PRKCH: variants seen among roughly 807,000 people sequenced by gnomAD.
The protein encoded by PRKCH is protein kinase C eta, also known as protein kinase C eta type.
PRKCH carries 28 observed loss-of-function variants against 82.5 expected under a neutral mutation model. The observed-to-expected ratio is 0.34, with a 90% confidence interval of 0.25 to 0.47. PRKCH has a LOEUF of 0.47. PRKCH is among the 20% of genes least tolerant of loss of function. The probability of loss-of-function intolerance (pLI) is 1.00; values close to 1 mark genes in which losing one functional copy is unlikely to be tolerated. For missense variants in PRKCH, 705 were observed against 881.8 expected, an observed-to-expected ratio of 0.80 and a Z score of 2.54; for synonymous variants, 322 against 327.4, an observed-to-expected ratio of 0.98 and a Z score of 0.18.
At chr14:61,314,682 G>A (rs575136610) in intron 1 of PRKCH, among the ~76,000 whole-genome samples, 1 of 152,330 alleles carries the variant, frequency 6.6e-6, no homozygotes, top group South Asian at 2.1e-4. Flanking sequence ...TTCTTTTGGG[G>A]AAACCTGAGG....
chr14:61,501,820 T>A (rs769637294), intron 10 of PRKCH, among the ~76,000 whole-genome samples: 32 of 152,152 alleles, frequency 2.1e-4, no homozygotes, highest in Non-Finnish European at 2.9e-5. Flanking sequence ...TGCTAAATCC[T>A]CTTCATACCC....
intron 1 of PRKCH, among the ~76,000 whole-genome samples, chr14:61,285,812 A>T (rs1334375810): frequency 6.6e-6 from 1 of 152,140 alleles, no homozygotes; most frequent in Admixed American, 6.5e-5. Context: ...TTCTTCAACC[A>T]TGCTACACTG....
chr14:61,484,764 CTTTTTT>C (rs375542490), intron 9 of PRKCH, among the ~76,000 whole-genome samples: 2 of 121,204 alleles, frequency 1.7e-5, no homozygotes, highest in South Asian at 2.6e-4. Flanking sequence ...ATTTGGCTTC[CTTTTTT>C]TTTTTTTTTT....
At chr14:61,287,204 T>TAAAAAAAAAAA (rs35045657) in intron 1 of PRKCH, among the ~76,000 whole-genome samples, 2 of 57,930 alleles carry the variant, frequency 3.5e-5, no homozygotes, top group African/African-American at 6.1e-5. Flanking sequence ...GACTCCGTCT[T>TAAAAAAAAAAA]AAAAAAAAAA....
At chr14:61,391,389 G>C (rs78502246) in intron 2 of PRKCH, 101 bp downstream of exon 2, 13,081 of 1,038,016 alleles carry the variant, frequency 0.013, 118 homozygotes, top group South Asian at 0.016. Context: ...CATGTTGTAA[G>C]AGATGCTTAA....
chr14:61,540,326 ATT>A (rs2043166565), intron 12 of PRKCH, among the ~76,000 whole-genome samples: 1 of 152,242 alleles, frequency 6.6e-6, no homozygotes, highest in Non-Finnish European at 1.5e-5. Context: ...CCTGAGTGTC[ATT>A]TATTAGGTGA....
chr14:61,466,241 G>A lies in PRKCH; in HGVS notation c.1278+8562G>A, dbSNP rs78799703. On this transcript the variant is annotated intron_variant, in intron 9 of 13. Coordinates refer to ENST00000332981, the MANE Select transcript of PRKCH (RefSeq NM_006255.5). ...GGATTACATTTCTTCAACAATGGGGGTAGGAGGAATAAGCCATTATTAAGT... is the reference window on the plus strand; with the variant it reads ...GGATTACATTTCTTCAACAATGGGGATAGGAGGAATAAGCCATTATTAAGT... 9.4e-3 allele frequency among the ~76,000 whole-genome samples: 1,426 copies of A among 152,270 alleles called. 19 individuals are homozygous for A. The highest frequency in any genetic ancestry group is 0.033 in the African/African-American group (1,354 of 41,526).
intron 10 of PRKCH, among the ~76,000 whole-genome samples, chr14:61,510,736 A>G (rs1887343410): frequency 1.3e-5 from 2 of 152,126 alleles, no homozygotes; most frequent in African/African-American, 4.8e-5. Context: ...TAAAGTGTCA[A>G]GCAGGGCAAC....
chr14:61,449,291 T>C (rs755688253), intron 5 of PRKCH, 39 bp downstream of exon 5: 3 of 1,531,092 alleles, frequency 2.0e-6, no homozygotes, highest in South Asian at 1.1e-5. Flanking sequence ...TGTGCGTGTG[T>C]ATTGTGTATG....
chr14:61,426,494 G>A (rs1003708056), intron 2 of PRKCH, among the ~76,000 whole-genome samples: 2 of 152,164 alleles, frequency 1.3e-5, no homozygotes, highest in African/African-American at 4.8e-5. Flanking sequence ...AAATTCAGTA[G>A]GAATGTTTTC....
At chr14:61,281,005 C>A (rs1300314485) in intron 1 of PRKCH, 2 of 1,539,478 alleles carry the variant, frequency 1.3e-6, no homozygotes, top group East Asian at 2.5e-5. Flanking sequence ...CAGGCCCAGG[C>A]CGATGAAGGC....
chr14:61,474,603 G>A (rs1387557905), intron 9 of PRKCH, among the ~76,000 whole-genome samples: 1 of 152,108 alleles, frequency 6.6e-6, no homozygotes, highest in Non-Finnish European at 1.5e-5. Flanking sequence ...AATACCTAAT[G>A]TAAATGACGA....
intron 1 of PRKCH, among the ~76,000 whole-genome samples, chr14:61,251,656 AC>A (rs1185928449): frequency 1.3e-5 from 2 of 152,206 alleles, no homozygotes; most frequent in Non-Finnish European, 2.9e-5. Context: ...CAGTGCTGCA[AC>A]AAATATGGGA....
At chr14:61,484,020 G>T (rs1195428422) in intron 9 of PRKCH, among the ~76,000 whole-genome samples, 1 of 152,174 alleles carries the variant, frequency 6.6e-6, no homozygotes, top group Non-Finnish European at 1.5e-5. Context: ...CAGCTTGGGT[G>T]ACAGAATGAG....
chr14:61,272,344 C>CTTTTTTTTTTTTTTTTTTTTTTT (rs1162331604), intron 1 of PRKCH, among the ~76,000 whole-genome samples: 5 of 23,582 alleles, frequency 2.1e-4, no homozygotes, highest in African/African-American at 6.4e-4. Context: ...TTTTTTCTTT[C>CTTTTTTTTTTTTTTTTTTTTTTT]TTTTTTTTTT....
intron 3 of PRKCH, 23 bp from the exon 4 acceptor site, chr14:61,445,669 G>T: frequency 6.3e-7 from 1 of 1,598,960 alleles, no homozygotes; most frequent in South Asian, 1.1e-5. Context: ...CTTGACTGAT[G>T]GTAGTTTTCT....
At chr14:61,422,593 G>A (rs530797166) in intron 2 of PRKCH, among the ~76,000 whole-genome samples, 2 of 152,206 alleles carry the variant, frequency 1.3e-5, no homozygotes, top group South Asian at 4.1e-4. Flanking sequence ...CAGATTCCCC[G>A]GGCACCATCG....
At chr14:61,529,740 C>G (rs1357149471) in intron 11 of PRKCH, among the ~76,000 whole-genome samples, 1 of 111,180 alleles carries the variant, frequency 9.0e-6, no homozygotes, top group African/African-American at 3.5e-5. Flanking sequence ...GAATATCACA[C>G]TCTGGGGACT....
Position 61,237,242 on chromosome 14 carries a change from C to CAAA in PRKCH, c.-19+49589_-19+49591dup, listed in dbSNP as rs567714882. 9.5e-3 allele frequency among the ~76,000 whole-genome samples: 894 copies of CAAA among 93,680 alleles called. 11 individuals carry two copies. The highest frequency in any genetic ancestry group is 0.032 in the African/African-American group (808 of 25,382). 61.5% of individuals were successfully genotyped at this position (93,680 alleles called of 152,430 possible). A position where few individuals can be genotyped will look rare whatever the true frequency, so the allele number is the denominator to read the frequency against. ...TGGGTGACAGAGCAAGACTCTGTTT[C>CAAA]AAAAAAAAAAAAAAAAAGATACCAA... On this transcript the variant is annotated intron_variant, in intron 1 of 3. Coordinates refer to the PRKCH transcript ENST00000555185.
Sources: gnomAD v4.1 joint callset for allele counts (sites outside exome capture counted in the v4.1 genomes callset) on GRCh38, gnomAD v4.1.1 for gene constraint, MANE v1.5 for transcripts, NCBI Gene and HGNC (gene_info 2026-07-23, HGNC 2026-07-21) for gene names.